Variants in GPC6 observed in about 807,000 individuals in gnomAD.
GPC6 encodes glypican-6.
Under a neutral mutation model 55.2 loss-of-function variants are expected in GPC6, and 14 were observed. That is an observed-to-expected ratio of 0.25 (90% confidence interval 0.17 to 0.40). The LOEUF is 0.40. GPC6 is among the 10% of genes least tolerant of loss of function. The pLI, the probability that GPC6 is intolerant of heterozygous loss-of-function variation, is 1.00. For missense variants in GPC6, 641 were observed against 708.5 expected (o/e 0.90, Z 1.08); for synonymous variants, 278 against 259.6 (o/e 1.07, Z -0.68).
intron 1 of GPC6, among the ~76,000 whole-genome samples, chr13:93,364,080 C>A (rs28525220): frequency 6.6e-6 from 1 of 152,060 alleles, no homozygotes; most frequent in East Asian, 1.9e-4. Context: ...TTCCATTCTG[C>A]AGGTTGCCTG....
chr13:93,942,467 C>T (rs1424507418), intron 3 of GPC6, among the ~76,000 whole-genome samples: 1 of 152,102 alleles, frequency 6.6e-6, no homozygotes, highest in Non-Finnish European at 1.5e-5. Context: ...CTACAGGCAC[C>T]TGCCACCATG....
intron 2 of GPC6, among the ~76,000 whole-genome samples, chr13:93,726,957 T>C (rs1489476853): frequency 6.6e-6 from 1 of 152,136 alleles, no homozygotes; most frequent in African/African-American, 2.4e-5. Flanking sequence ...AAAGTCTTGT[T>C]TGCAAAATCA....
chr13:93,651,824 G>A (rs1880425309), intron 2 of GPC6, among the ~76,000 whole-genome samples: 1 of 152,062 alleles, frequency 6.6e-6, no homozygotes, highest in African/African-American at 2.4e-5. Context: ...CTGCACATTA[G>A]AATCACCTGG....
At chr13:93,912,564 A>T (rs1015614046) in intron 3 of GPC6, among the ~76,000 whole-genome samples, 2 of 152,094 alleles carry the variant, frequency 1.3e-5, no homozygotes, top group African/African-American at 2.4e-5. Flanking sequence ...TAACACGGTG[A>T]AACCCCATCT....
intron 6 of GPC6, among the ~76,000 whole-genome samples, chr13:94,360,309 C>A (rs1316471548): frequency 2.0e-5 from 3 of 152,124 alleles, no homozygotes; most frequent in African/African-American, 7.2e-5. Flanking sequence ...ATAGTTAAGA[C>A]AGATGATAGA....
At chr13:93,526,685 A>G (rs938422795) in intron 1 of GPC6, among the ~76,000 whole-genome samples, 1 of 152,114 alleles carries the variant, frequency 6.6e-6, no homozygotes, top group Non-Finnish European at 1.5e-5. Flanking sequence ...TTGCCCTTCA[A>G]AGATTGAATG....
At position 93,612,500 on chromosome 13, in the gene GPC6, A is replaced by AACACACACACACACACACAC. The variant is rs3138575; in HGVS notation, c.319+67103_319+67122dup. Among the ~76,000 whole-genome samples, 442 of 139,334 alleles carry AACACACACACACACACACAC rather than the reference A, an allele frequency of 3.2e-3. 1 individual carries two copies. The highest frequency in any genetic ancestry group is 5.1e-3 in the Admixed American group (70 of 13,828). The allele number at this position is 139,334 out of a possible 152,430, so 91.4% of individuals were successfully genotyped here. ...GGCGATAGTGCGAGACTCCGTCTAA[A>AACACACACACACACACACAC]ACACACACACACACACACACACACA... On this transcript the variant is annotated intron_variant, in intron 2 of 8. Transcript: ENST00000377047.
intron 2 of GPC6, among the ~76,000 whole-genome samples, chr13:93,640,501 T>A (rs541326870): frequency 5.9e-5 from 9 of 152,078 alleles, no homozygotes; most frequent in African/African-American, 2.2e-4. Flanking sequence ...CCTAAGTGCA[T>A]CCTCTTAACC....
intron 1 of GPC6, among the ~76,000 whole-genome samples, chr13:93,313,607 C>T (rs543265294): frequency 6.6e-6 from 1 of 152,142 alleles, no homozygotes; most frequent in African/African-American, 2.4e-5. Context: ...TAAATAGTTT[C>T]CTGTGTATAC....
intron 3 of GPC6, among the ~76,000 whole-genome samples, chr13:93,998,413 C>G (rs1881652653): frequency 6.6e-6 from 1 of 152,136 alleles, no homozygotes; most frequent in Admixed American, 6.6e-5. Context: ...CTCAAGCACA[C>G]CACTAATTAA....
Position 94,058,701 on chromosome 13 carries a change from A to G in GPC6, c.877+30807A>G, listed in dbSNP as rs547813146. 4.6e-5 allele frequency among the ~76,000 whole-genome samples: 7 copies of G among 152,330 alleles called. No homozygotes were observed. In the East Asian group the frequency reaches 1.2e-3, roughly 25 times the overall value. Reference sequence around the variant, plus strand: ...TATGTGAATGGCTCACTCCAGGCATAGAGAGCAGGAACTGGTGAAAGCAGA... The same window carrying G: ...TATGTGAATGGCTCACTCCAGGCATGGAGAGCAGGAACTGGTGAAAGCAGA... On this transcript the variant is annotated intron_variant, in intron 4 of 8. Coordinates refer to ENST00000377047, the MANE Select transcript of GPC6 (RefSeq NM_005708.5).
intron 2 of GPC6, among the ~76,000 whole-genome samples, chr13:93,751,496 AATTTTTATTT>A (rs1266841211): frequency 4.6e-5 from 7 of 151,162 alleles, no homozygotes; most frequent in South Asian, 2.1e-4. Context: ...TTTTACTTGT[AATTTTTATTT>A]ATTTTTATTT....
At chr13:94,349,797 A>G (rs1878450121) in intron 6 of GPC6, among the ~76,000 whole-genome samples, 1 of 152,132 alleles carries the variant, frequency 6.6e-6, no homozygotes, top group Non-Finnish European at 1.5e-5. Context: ...TTTCCTTTGT[A>G]ACTGTGTCAC....
intron 2 of GPC6, among the ~76,000 whole-genome samples, chr13:93,562,238 C>T (rs1361874151): frequency 1.3e-5 from 2 of 151,946 alleles, no homozygotes; most frequent in Non-Finnish European, 2.9e-5. Context: ...GTTACAGAGC[C>T]GGGCGTGGGC....
intron 4 of GPC6, among the ~76,000 whole-genome samples, chr13:94,223,471 C>T (rs143823222): frequency 2.0e-5 from 3 of 152,260 alleles, no homozygotes; most frequent in Non-Finnish European, 2.9e-5. Context: ...CAAAACATAA[C>T]ATACCTAAAA....
At chr13:93,756,076 T>C (rs1708225295) in intron 2 of GPC6, among the ~76,000 whole-genome samples, 2 of 152,176 alleles carry the variant, frequency 1.3e-5, no homozygotes, top group African/African-American at 4.8e-5. Context: ...CTATCTCTAT[T>C]TCTTTTTTCA....
intron 1 of GPC6, among the ~76,000 whole-genome samples, chr13:93,364,730 T>TAAA (rs1881179923): frequency 6.6e-6 from 1 of 151,058 alleles, no homozygotes; most frequent in South Asian, 2.1e-4. Flanking sequence ...CACATATATG[T>TAAA]ATATATATAT....
chr13:93,772,195 G>A (rs902393002), intron 2 of GPC6, among the ~76,000 whole-genome samples: 2 of 152,154 alleles, frequency 1.3e-5, no homozygotes, highest in Non-Finnish European at 2.9e-5. Context: ...ACTAATATTA[G>A]ATAACTGTAG....
intron 2 of GPC6, among the ~76,000 whole-genome samples, chr13:93,796,616 A>C (rs545236092): frequency 6.6e-6 from 1 of 152,218 alleles, no homozygotes; most frequent in Non-Finnish European, 1.5e-5. Flanking sequence ...TTCAGAAGTA[A>C]TTTCAAAACA....
Sources: allele counts gnomAD v4.1 joint callset (sites outside exome capture counted in the v4.1 genomes callset), GRCh38; gene constraint gnomAD v4.1.1; transcripts MANE v1.5; gene names NCBI Gene and HGNC (gene_info 2026-07-23, HGNC 2026-07-21).